The following MAP4K4 variants were observed in gnomAD, a reference collection of about 807,000 sequenced individuals.
MAP4K4 encodes the protein HPK/GCK-like kinase HGK.
A neutral mutation model predicts 189.6 loss-of-function variants in MAP4K4; 38 were observed. The ratio of observed to expected loss-of-function variants is 0.20; its 90% CI spans 0.15 to 0.26. MAP4K4 has a LOEUF of 0.26. Among genes scored for constraint, MAP4K4 ranks in the 10% least tolerant of loss-of-function variants. MAP4K4 has a pLI of 1.00. For missense variants in MAP4K4, 1,054 were observed against 1,726.9 expected (o/e 0.61, Z 6.91); for synonymous variants, 610 against 624.3 (o/e 0.98, Z 0.34).
intron 20 of MAP4K4, chr2:101,867,734 C>CA (rs1207626222): frequency 2.3e-6 from 1 of 433,786 alleles, no homozygotes; most frequent in African/African-American, 2.0e-5. Flanking sequence ...GGCTTTTAGA[C>CA]TAAGTTTTTA....
At chr2:101,867,186 C>T (rs1162785679) in intron 19 of MAP4K4, 26 bp from the exon 20 acceptor site, 71 of 1,446,642 alleles carry the variant, frequency 4.9e-5, no homozygotes, top group Middle Eastern at 1.7e-4. Flanking sequence ...TGTGTCTGTC[C>T]ATCTTGTCCC....
At chr2:101,710,901 T>C (rs759963171) in intron 2 of MAP4K4, among the ~76,000 whole-genome samples, 6 of 152,202 alleles carry the variant, frequency 3.9e-5, no homozygotes, top group Admixed American at 6.5e-5. Context: ...TAATTGACTG[T>C]CTTCATTCAG....
At chr2:101,727,335 G>A (rs1359913825) in intron 2 of MAP4K4, among the ~76,000 whole-genome samples, 1 of 152,168 alleles carries the variant, frequency 6.6e-6, no homozygotes, top group East Asian at 1.9e-4. Flanking sequence ...TCAGTGGACT[G>A]TATTTTAAAG....
At chr2:101,740,119 G>A (rs141108755) in intron 2 of MAP4K4, among the ~76,000 whole-genome samples, 2 of 150,162 alleles carry the variant, frequency 1.3e-5, no homozygotes, top group Admixed American at 6.6e-5. Context: ...AACATCTGTC[G>A]CTTTCTTGGC....
At chr2:101,703,975 A>G (rs2040519220) in intron 2 of MAP4K4, among the ~76,000 whole-genome samples, 3 of 152,308 alleles carry the variant, frequency 2.0e-5, no homozygotes, top group African/African-American at 7.2e-5. Context: ...AGATAGCACC[A>G]CTGCACTCTA....
At chr2:101,730,639 C>T (rs1397478337) in intron 2 of MAP4K4, among the ~76,000 whole-genome samples, 2 of 152,138 alleles carry the variant, frequency 1.3e-5, no homozygotes, top group African/African-American at 4.8e-5. Context: ...CTGTCACCTC[C>T]AGAGCACATT....
intron 2 of MAP4K4, among the ~76,000 whole-genome samples, chr2:101,717,074 C>T (rs2048825322): frequency 1.3e-5 from 2 of 152,140 alleles, no homozygotes; most frequent in East Asian, 1.9e-4. Context: ...GTTTTGCATC[C>T]ACTAATTTGG....
At chr2:101,816,476 T>C (rs1021819973) in intron 3 of MAP4K4, among the ~76,000 whole-genome samples, 2 of 152,192 alleles carry the variant, frequency 1.3e-5, no homozygotes, top group African/African-American at 4.8e-5. Flanking sequence ...AACACTCTAT[T>C]CAATGTGTAT....
At chr2:101,829,850 G>T in intron 6 of MAP4K4, 1 of 347,076 alleles carries the variant, frequency 2.9e-6, no homozygotes. Flanking sequence ...CCACTTTCCT[G>T]CTTAAAGAAC....
At chr2:101,838,814 A>C (rs1226955312) in intron 9 of MAP4K4, among the ~76,000 whole-genome samples, 1 of 152,278 alleles carries the variant, frequency 6.6e-6, no homozygotes, top group East Asian at 1.9e-4. Flanking sequence ...GTGAAGTGGA[A>C]AGAGTGAACT....
At chr2:101,820,292 T>G (rs1402223319) in intron 3 of MAP4K4, among the ~76,000 whole-genome samples, 1 of 152,140 alleles carries the variant, frequency 6.6e-6, no homozygotes, top group Non-Finnish European at 1.5e-5. Context: ...CTGGAAATAG[T>G]TTAGCCACTG....
At chr2:101,715,987 T>C (rs2048154148) in intron 2 of MAP4K4, among the ~76,000 whole-genome samples, 1 of 152,198 alleles carries the variant, frequency 6.6e-6, no homozygotes. Context: ...GTACACTCTT[T>C]CTGAGGATCT....
At chr2:101,887,697 A>G in intron 30 of MAP4K4, 81 bp from the exon 31 acceptor site, 1 of 1,055,338 alleles carries the variant, frequency 9.5e-7, no homozygotes, top group Non-Finnish European at 1.4e-6. Context: ...CAGTGCATTC[A>G]CTAAGAGTCT....
At chr2:101,792,597 T>TCCTCCTCCTC (rs2093068247) in intron 3 of MAP4K4, among the ~76,000 whole-genome samples, 1 of 144,836 alleles carries the variant, frequency 6.9e-6, no homozygotes, top group South Asian at 2.2e-4. Flanking sequence ...TTCTCCTCCT[T>TCCTCCTCCTC]CTCCTCCTCC....
intron 2 of MAP4K4, among the ~76,000 whole-genome samples, chr2:101,748,996 A>C (rs1275428890): frequency 1.4e-5 from 2 of 142,702 alleles, no homozygotes; most frequent in East Asian, 4.1e-4. Flanking sequence ...ACCACTGCTC[A>C]AGGAAATAAA....
chr2:101,785,722 CTCTCTCTCTCTCT>C, intron 2 of MAP4K4, among the ~76,000 whole-genome samples: 1 of 8,414 alleles, frequency 1.2e-4, no homozygotes, highest in South Asian at 4.3e-3. Flanking sequence ...CTCTCTCTCT[CTCTCTCTCTCTCT>C]CTCTCTCTCT....
chr2:101,857,243 A>G (rs367738468), intron 13 of MAP4K4, among the ~76,000 whole-genome samples: 56 of 148,878 alleles, frequency 3.8e-4, no homozygotes, highest in African/African-American at 1.3e-3. Flanking sequence ...CACCACTTTT[A>G]AAAAAAAAAA....
intron 2 of MAP4K4, among the ~76,000 whole-genome samples, chr2:101,771,317 A>AT (rs1160616276): frequency 6.6e-6 from 1 of 152,202 alleles, no homozygotes; most frequent in African/African-American, 2.4e-5. Flanking sequence ...TGGTGTCCTG[A>AT]TTAACATTCC....
At chr2:101,843,738 G>C (rs998043934) in intron 11 of MAP4K4, among the ~76,000 whole-genome samples, 1 of 152,114 alleles carries the variant, frequency 6.6e-6, no homozygotes, top group African/African-American at 2.4e-5. Context: ...ACACTGAAGA[G>C]TGGTCTGATG....
Sources: allele counts gnomAD v4.1 joint callset (sites outside exome capture counted in the v4.1 genomes callset), GRCh38; gene constraint gnomAD v4.1.1; transcripts MANE v1.5; gene names NCBI Gene and HGNC (gene_info 2026-07-23, HGNC 2026-07-21).